HFM1: variants seen among roughly 807,000 people sequenced by gnomAD.
The protein encoded by HFM1 is probable ATP-dependent DNA helicase HFM1.
Under a neutral mutation model 192.1 loss-of-function variants are expected in HFM1, and 169 were observed. The observed-to-expected ratio is 0.88, with a 90% CI of 0.78 to 1.00. HFM1 has a LOEUF of 1.00. Among genes scored for constraint, HFM1 ranks in the 50% least tolerant of loss-of-function variants. The pLI is 0.00. For synonymous variants in HFM1, 525 were observed against 537.8 expected (o/e 0.98, Z 0.33); for missense variants, 1,661 against 1,668.0 (o/e 1.00, Z 0.07).
At chr1:91,387,490 C>A (rs1294281756) in intron 4 of HFM1, among the ~76,000 whole-genome samples, 1 of 151,148 alleles carries the variant, frequency 6.6e-6, no homozygotes, top group Non-Finnish European at 1.5e-5. Context: ...TTCTGCTCCA[C>A]GGGAGGTTTC....
intron 11 of HFM1, among the ~76,000 whole-genome samples, chr1:91,377,084 G>A (rs1028864740): frequency 1.3e-4 from 5 of 39,140 alleles, no homozygotes; most frequent in Non-Finnish European, 2.4e-4. Flanking sequence ...AATGTTTAAA[G>A]GTGAAATGCA....
At chr1:91,365,959 T>C (rs1355622214) in intron 13 of HFM1, among the ~76,000 whole-genome samples, 2 of 105,742 alleles carry the variant, frequency 1.9e-5, no homozygotes, top group Admixed American at 2.1e-4. Flanking sequence ...CTAACTCCGG[T>C]ATGTTCCTGA....
chr1:91,306,158 A>C (rs368032571), intron 30 of HFM1, among the ~76,000 whole-genome samples: 3 of 152,160 alleles, frequency 2.0e-5, no homozygotes, highest in African/African-American at 7.2e-5. Flanking sequence ...ACACGGAGAA[A>C]TCCCATCTCT....
At chr1:91,367,972 C>A (rs1043918319) in intron 13 of HFM1, among the ~76,000 whole-genome samples, 2 of 151,916 alleles carry the variant, frequency 1.3e-5, no homozygotes, top group African/African-American at 2.4e-5. Flanking sequence ...CCTCAGTAGC[C>A]GATGTGATCA....
intron 13 of HFM1, among the ~76,000 whole-genome samples, chr1:91,370,249 C>G (rs963049313): frequency 1.1e-4 from 16 of 152,220 alleles, no homozygotes; most frequent in African/African-American, 3.9e-4. Flanking sequence ...ATGAGGCCAG[C>G]ATCATCCTGA....
At position 91,264,334 on chromosome 1, in the gene HFM1, A is replaced by C. The variant is rs1211785853; in HGVS notation, c.3974+1683T>G. ...TCAGTAATGGCCAAATAACAGCAAA[A>C]ATTCCAAGGGATACCACAAATTTAG... On this transcript the variant is annotated intron_variant, in intron 36 of 38. Transcript: ENST00000370425. Among the ~76,000 whole-genome samples, 4 of 148,318 alleles carry C rather than the reference A, an allele frequency of 2.7e-5. No individual in the cohort carries two copies. In the East Asian group the frequency reaches 7.9e-4, roughly 29 times the overall value.
chr1:91,375,447 C>G lies in HFM1; in HGVS notation c.1597-1G>C, dbSNP rs1225141960. 1.9e-6 allele frequency: 3 copies of G among 1,612,806 alleles called. No individual in the cohort carries two copies. Among genetic ancestry groups the G allele is most frequent in the Non-Finnish European group, 2.5e-6 (3 of 1,179,226 alleles). Reference sequence around the variant, plus strand: ...GCACACCCTTCCTTGTTGCACAAAACTGAAAATAAATTCATAACGTTTGTA... The same window carrying G: ...GCACACCCTTCCTTGTTGCACAAAAGTGAAAATAAATTCATAACGTTTGTA... On this transcript the variant is annotated splice_acceptor_variant, in intron 12 of 38. Transcript: ENST00000370425. LOFTEE classifies it high-confidence loss of function.
intron 30 of HFM1, among the ~76,000 whole-genome samples, chr1:91,295,844 T>G (rs1395722536): frequency 6.6e-6 from 1 of 152,212 alleles, no homozygotes; most frequent in Non-Finnish European, 1.5e-5. Flanking sequence ...CTCTAAAAGT[T>G]TTATTGTTTT....
At chr1:91,377,363 T>A (rs1450572823) in intron 11 of HFM1, 1 of 151,980 alleles carries the variant, frequency 6.6e-6, no homozygotes, top group Non-Finnish European at 1.5e-5. Context: ...TGAAAACAAT[T>A]TCTAAGAAGT....
chr1:91,399,268 G>C (rs772611539), intron 2 of HFM1, among the ~76,000 whole-genome samples: 2 of 152,064 alleles, frequency 1.3e-5, no homozygotes, highest in Non-Finnish European at 2.9e-5. Context: ...ATTATAGTCT[G>C]CCTTGAGCTG....
intron 13 of HFM1, among the ~76,000 whole-genome samples, chr1:91,371,830 T>C (rs1660250403): frequency 6.6e-6 from 1 of 152,126 alleles, no homozygotes; most frequent in African/African-American, 2.4e-5. Flanking sequence ...ATTTTTGCCA[T>C]CTACTCATCT....
intron 13 of HFM1, among the ~76,000 whole-genome samples, chr1:91,353,523 T>C (rs1441318797): frequency 6.6e-6 from 1 of 151,448 alleles, no homozygotes; most frequent in Admixed American, 6.6e-5. Context: ...TTTGGAAAAC[T>C]CACTTTCCCC....
intron 11 of HFM1, 59 bp downstream of exon 11, chr1:91,377,966 T>C (rs1318327199): frequency 1.4e-6 from 2 of 1,447,780 alleles, no homozygotes; most frequent in Non-Finnish European, 9.6e-7. Flanking sequence ...ATGATCAAGA[T>C]GACTAAATAT....
intron 23 of HFM1, among the ~76,000 whole-genome samples, chr1:91,320,518 G>T (rs1651934104): frequency 6.6e-6 from 1 of 152,172 alleles, no homozygotes; most frequent in African/African-American, 2.4e-5. Context: ...ATGCACAAAT[G>T]TGGAGTAAGA....
intron 30 of HFM1, among the ~76,000 whole-genome samples, chr1:91,303,068 G>C (rs534770202): frequency 2.4e-4 from 36 of 152,142 alleles, no homozygotes; most frequent in African/African-American, 8.2e-4. Context: ...AATTCAGTGG[G>C]TTTTTAGTAT....
intron 36 of HFM1, among the ~76,000 whole-genome samples, chr1:91,263,272 G>A (rs914175412): frequency 6.6e-6 from 1 of 152,194 alleles, no homozygotes; most frequent in Non-Finnish European, 1.5e-5. Flanking sequence ...CATCTCTGAT[G>A]AGGTAACCAT....
chr1:91,268,001 G>A, intron 34 of HFM1, 146 bp from the exon 35 acceptor site: 1 of 581,610 alleles, frequency 1.7e-6, no homozygotes, highest in Non-Finnish European at 3.0e-6. Flanking sequence ...TTATGTGTAT[G>A]TATAAAAGAC....
chr1:91,396,359 G>C lies in HFM1; in HGVS notation c.118C>G (p.Pro40Ala), dbSNP rs199964473. The change falls in exon 3 of 39, where the codon CCA (proline) becomes GCA (alanine). Residue 40 changes from proline (P) to alanine (A), a missense_variant. Coordinates refer to ENST00000370425, the MANE Select transcript of HFM1 (RefSeq NM_001017975.6). Reference sequence around the variant, plus strand: ...GTATCTGGAATTTCTGAAATCAATGGAGCAGGAGGGAGAAACCAATCCAAT... The same window carrying C: ...GTATCTGGAATTTCTGAAATCAATGCAGCAGGAGGGAGAAACCAATCCAAT... ...KSLDWFLPPA[P>A]LISEIPDTQE... 2.5e-6 allele frequency: 4 copies of C among 1,604,428 alleles called. No homozygotes were observed. The highest frequency in any genetic ancestry group is 1.1e-5 in the South Asian group (1 of 89,480).
chr1:91,367,829 A>G (rs1425035897), intron 13 of HFM1, among the ~76,000 whole-genome samples: 1 of 152,172 alleles, frequency 6.6e-6, no homozygotes. Flanking sequence ...GTTTGAACCC[A>G]TGGCAAAGAA....
Sources: allele counts gnomAD v4.1 joint callset (sites outside exome capture counted in the v4.1 genomes callset), GRCh38; gene constraint gnomAD v4.1.1; transcripts MANE v1.5; gene names NCBI Gene and HGNC (gene_info 2026-07-23, HGNC 2026-07-21).